The following SLC2A13 variants were observed in gnomAD, a reference collection of about 807,000 sequenced individuals.
SLC2A13 encodes the protein proton myo-inositol cotransporter.
SLC2A13 carries 32 observed loss-of-function variants against 64.4 expected under a neutral mutation model. That is an observed-to-expected ratio of 0.50 (90% CI 0.37 to 0.67). The LOEUF (loss-of-function observed/expected upper bound fraction) is 0.67. Ranked by LOEUF, SLC2A13 falls within the 30% of genes least tolerant of loss-of-function variation. The pLI is 0.00. For missense variants in SLC2A13, 743 were observed against 829.2 expected (o/e 0.90, Z 1.28); for synonymous variants, 338 against 327.1 (o/e 1.03, Z -0.36).
At chr12:39,874,904 C>A (rs1240767045) in intron 4 of SLC2A13, among the ~76,000 whole-genome samples, 1 of 152,164 alleles carries the variant, frequency 6.6e-6, no homozygotes, top group African/African-American at 2.4e-5. Flanking sequence ...CAGGCAATTG[C>A]AGATTATCTG....
intron 1 of SLC2A13, among the ~76,000 whole-genome samples, chr12:40,069,818 T>C (rs1937883648): frequency 6.6e-6 from 1 of 152,154 alleles, no homozygotes; most frequent in Non-Finnish European, 1.5e-5. Context: ...CTATGACTTC[T>C]TAAATTCTGG....
intron 4 of SLC2A13, among the ~76,000 whole-genome samples, chr12:39,911,094 C>G (rs1945420649): frequency 6.6e-6 from 1 of 151,078 alleles, no homozygotes; most frequent in African/African-American, 2.4e-5. Flanking sequence ...CAAAACAAAA[C>G]AAACAAACAA....
At chr12:39,852,977 CTT>C (rs1003786874) in intron 6 of SLC2A13, among the ~76,000 whole-genome samples, 3 of 152,166 alleles carry the variant, frequency 2.0e-5, no homozygotes, top group Non-Finnish European at 4.4e-5. Flanking sequence ...AACCAATGCT[CTT>C]GAGTCGCTTG....
At chr12:39,942,943 T>C (rs1946063119) in intron 4 of SLC2A13, among the ~76,000 whole-genome samples, 1 of 152,190 alleles carries the variant, frequency 6.6e-6, no homozygotes, top group Non-Finnish European at 1.5e-5. Flanking sequence ...AGTTTCTCTG[T>C]GGATGTCCTT....
rs1363974412 is a variant in SLC2A13, at chr12:39,759,267, A to C, written c.*759T>G. ...AAAACCTTTAATCTGTTACTTTCTG[A>C]ACATAAAAGGTACTTCTCAAAACTT... On this transcript the variant is annotated 3_prime_UTR_variant, in exon 10 of 10. Transcript: ENST00000280871. 2 of 152,256 alleles carry C rather than the reference A, an allele frequency of 1.3e-5. No homozygotes were observed. The highest frequency in any genetic ancestry group is 2.9e-5 in the Non-Finnish European group (2 of 67,934). The allele number at this position is 152,256 out of a possible 1,614,324, so 9.4% of individuals were successfully genotyped here.
chr12:40,077,521 T>G (rs1341282454), intron 1 of SLC2A13, among the ~76,000 whole-genome samples: 1 of 152,224 alleles, frequency 6.6e-6, no homozygotes, highest in Non-Finnish European at 1.5e-5. Context: ...ATGTCTGTCT[T>G]TGTACCAGTA....
chr12:39,853,806 T>TCACAC (rs1943531570), intron 6 of SLC2A13, among the ~76,000 whole-genome samples: 1 of 152,168 alleles, frequency 6.6e-6, no homozygotes. Context: ...ACCCAGAATT[T>TCACAC]CATTTATGTT....
At chr12:39,982,652 A>C (rs200812847) in intron 3 of SLC2A13, among the ~76,000 whole-genome samples, 16,570 of 147,810 alleles carry the variant, frequency 0.11, 992 homozygotes, top group Admixed American at 0.16. Flanking sequence ...GGAGAACTAC[A>C]AACCACTGCT....
intron 4 of SLC2A13, among the ~76,000 whole-genome samples, chr12:39,918,444 T>C (rs1945557378): frequency 6.6e-6 from 1 of 151,930 alleles, no homozygotes; most frequent in Non-Finnish European, 1.5e-5. Flanking sequence ...TTTGTGATTC[T>C]TCACTACCAT....
At position 39,759,975 on chromosome 12, in the gene SLC2A13, T is replaced by C. The variant is rs1399081096; in HGVS notation, c.*51A>G. 1 of 1,444,214 alleles carries C rather than the reference T, an allele frequency of 6.9e-7. No homozygotes were observed. The highest frequency in any genetic ancestry group is 1.7e-5 in the Admixed American group (1 of 58,724). 89.5% of individuals were successfully genotyped at this position (1,444,214 alleles called of 1,614,324 possible). ...AGGGCAGTGAAGTCACCAATTGCTG[T>C]TCTTCTCCCCCCAGTTTGTTTAAAT... On this transcript the variant is annotated 3_prime_UTR_variant, in exon 10 of 10. Coordinates refer to ENST00000280871, the MANE Select transcript of SLC2A13 (RefSeq NM_052885.4).
At chr12:39,771,412 T>C (rs533507324) in intron 7 of SLC2A13, among the ~76,000 whole-genome samples, 4 of 152,286 alleles carry the variant, frequency 2.6e-5, no homozygotes, top group Admixed American at 6.5e-5. Context: ...ATGCCTATGC[T>C]GGGAGATTTG....
At chr12:39,981,730 C>T (rs1441416415) in intron 3 of SLC2A13, among the ~76,000 whole-genome samples, 33 of 150,136 alleles carry the variant, frequency 2.2e-4, no homozygotes, top group Admixed American at 1.3e-3. Flanking sequence ...GATTCACAGC[C>T]GAATTCTACC....
At chr12:40,028,613 A>T in intron 2 of SLC2A13, 104 bp from the exon 3 acceptor site, 1 of 1,053,708 alleles carries the variant, frequency 9.5e-7, no homozygotes, top group Non-Finnish European at 1.4e-6. Flanking sequence ...CTTACTGTGA[A>T]GTTAGCCAGA....
intron 2 of SLC2A13, among the ~76,000 whole-genome samples, chr12:40,034,623 C>T (rs922890618): frequency 3.9e-5 from 6 of 152,040 alleles, no homozygotes; most frequent in African/African-American, 1.2e-4. Flanking sequence ...CCATGTTAGC[C>T]CATTCTGAAT....
chr12:39,838,582 C>T (rs1943090578), intron 6 of SLC2A13, among the ~76,000 whole-genome samples: 1 of 148,580 alleles, frequency 6.7e-6, no homozygotes, highest in East Asian at 2.0e-4. Flanking sequence ...ATATTTAGAA[C>T]AAAACTGGCT....
chr12:39,914,062 A>G (rs1945478960), intron 4 of SLC2A13, among the ~76,000 whole-genome samples: 1 of 152,054 alleles, frequency 6.6e-6, no homozygotes, highest in African/African-American at 2.4e-5. Flanking sequence ...ATGTCAGGAA[A>G]AAAATAGTTA....
intron 7 of SLC2A13, among the ~76,000 whole-genome samples, chr12:39,797,962 C>T (rs1941638915): frequency 6.6e-6 from 1 of 152,128 alleles, no homozygotes; most frequent in African/African-American, 2.4e-5. Context: ...GTGTAGCTCC[C>T]ACAGAATAGG....
At chr12:39,962,612 A>G (rs746195681) in intron 3 of SLC2A13, among the ~76,000 whole-genome samples, 3 of 152,250 alleles carry the variant, frequency 2.0e-5, no homozygotes, top group Non-Finnish European at 4.4e-5. Flanking sequence ...GACTGATGGT[A>G]TTCTGACAGT....
At chr12:39,939,688 G>A (rs537681741) in intron 4 of SLC2A13, among the ~76,000 whole-genome samples, 1 of 152,336 alleles carries the variant, frequency 6.6e-6, no homozygotes, top group East Asian at 1.9e-4. Context: ...AGGCCTCTAA[G>A]ACAATGATCA....
Sources: allele counts gnomAD v4.1 joint callset (sites outside exome capture counted in the v4.1 genomes callset), GRCh38; gene constraint gnomAD v4.1.1; transcripts MANE v1.5; gene names NCBI Gene and HGNC (gene_info 2026-07-23, HGNC 2026-07-21).